Variants in BCL7A observed in about 807,000 individuals in gnomAD.
BCL7A encodes BAF chromatin remodeling complex subunit BCL7A, also known as B-cell CLL/lymphoma 7 protein family member A.
In BCL7A, 11 loss-of-function variants were observed where a neutral mutation model predicts 28.4. The ratio of observed to expected loss-of-function variants is 0.39; its 90% confidence interval spans 0.24 to 0.64. BCL7A has a LOEUF of 0.64. BCL7A is among the 30% of genes least tolerant of loss of function. The probability of loss-of-function intolerance (pLI) is 0.50; values close to 1 mark genes in which losing one functional copy is unlikely to be tolerated. For missense variants in BCL7A, 222 were observed against 274.8 expected (o/e 0.81, Z 1.36); for synonymous variants, 123 against 103.3 (o/e 1.19, Z -1.15).
Position 122,054,833 on chromosome 12 carries a change from C to T in BCL7A, c.468C>T (p.Ser156=). 2.5e-6 allele frequency: 4 copies of T among 1,614,184 alleles called. No individual in the cohort carries two copies. The highest frequency in any genetic ancestry group is 3.4e-6 in the Non-Finnish European group (4 of 1,180,030). Residue 156 remains serine (S), a synonymous_variant, in exon 5 of 6, where the codon TCC becomes TCT. Coordinates refer to ENST00000261822, the MANE Select transcript of BCL7A (RefSeq NM_001024808.3). ...EDASDEQNSQ[S]SMEHSMNSSE... ...CTTCTGATGAGCAGAATTCACAGTCCTCGATGGAACATTCGATGAACAGCT... is the reference window on the plus strand; with the variant it reads ...CTTCTGATGAGCAGAATTCACAGTCTTCGATGGAACATTCGATGAACAGCT...
At chr12:122,036,865 G>A (rs1883867090) in intron 3 of BCL7A, among the ~76,000 whole-genome samples, 1 of 152,062 alleles carries the variant, frequency 6.6e-6, no homozygotes, top group Admixed American at 6.6e-5. Flanking sequence ...GTGCTACCAT[G>A]CCTGGCTAAT....
intron 3 of BCL7A, among the ~76,000 whole-genome samples, chr12:122,040,217 G>T (rs1177110149): frequency 1.3e-5 from 2 of 152,156 alleles, no homozygotes; most frequent in East Asian, 1.9e-4. Context: ...GGCATTTGAG[G>T]TTGGTTCTTT....
chr12:122,043,948 A>C lies in BCL7A; in HGVS notation c.334A>C (p.Asn112His). 1 of 1,614,028 alleles carries C rather than the reference A, an allele frequency of 6.2e-7. No individual in the cohort carries two copies. Among genetic ancestry groups the C allele is most frequent in the Non-Finnish European group, 8.5e-7 (1 of 1,180,028 alleles). ...CCCCATCAAACAGGAGAACAGCAGC[A>C]ACTCCAGCCCCGCTCCAGAGCCCAA... is the stretch of plus-strand genomic sequence containing the variant. ...ASPIKQENSS[N>H]SSPAPEPNSA... Residue 112 changes from asparagine (N) to histidine (H), a missense_variant, in exon 4 of 6, where the codon AAC becomes CAC. Physicochemically the swap from Asn to His is moderately conservative, Grantham distance 68. This residue lies in a region of BCL7A where 155 missense variants were observed against 145.7 expected (regional missense o/e 1.06). Transcript: ENST00000261822.
chr12:122,061,231 AAC>A lies in BCL7A; in HGVS notation c.*2076_*2077del, dbSNP rs143079361. 0.027 allele frequency: 6,227 copies of A among 230,382 alleles called. 356 individuals are homozygous for A. The highest frequency in any genetic ancestry group is 0.13 in the African/African-American group (5,715 of 45,164). 14.3% of individuals were successfully genotyped at this position (230,382 alleles called of 1,614,324 possible). A position where few individuals can be genotyped will look rare whatever the true frequency, so the allele number is the denominator to read the frequency against. ...AACCAAGACAGCTGAAGGAGAATGA[AAC>A]ACACACATCCACAGAAACAGAGAGG... On this transcript the variant is annotated 3_prime_UTR_variant, in exon 6 of 6. Coordinates refer to ENST00000261822, the MANE Select transcript of BCL7A (RefSeq NM_001024808.3).
intron 4 of BCL7A, among the ~76,000 whole-genome samples, chr12:122,050,301 G>GGGT (rs1884164818): frequency 8.1e-6 from 1 of 123,444 alleles, no homozygotes; most frequent in African/African-American, 2.7e-5. Context: ...TTTATTGTGG[G>GGGT]GGGGGGGCCA....
chr12:122,043,765 T>A, intron 3 of BCL7A, 121 bp from the exon 4 acceptor site: 42 of 922,916 alleles, frequency 4.6e-5, no homozygotes, highest in Non-Finnish European at 5.7e-5. Flanking sequence ...ACCAGACCCC[T>A]CCCCGGGAGA....
intron 4 of BCL7A, chr12:122,044,413 C>T (rs190784853): frequency 1.3e-3 from 259 of 197,616 alleles, no homozygotes; most frequent in Admixed American, 2.3e-3. Context: ...AGGCCGAGGT[C>T]GGAGGATCAC....
intron 4 of BCL7A, among the ~76,000 whole-genome samples, chr12:122,052,972 G>GAGCCACCGTGCCT (rs1218805141): frequency 2.0e-5 from 3 of 149,000 alleles, no homozygotes; most frequent in Non-Finnish European, 4.4e-5. Context: ...TTACAGGCGT[G>GAGCCACCGTGCCT]AGCCACCGTG....
chr12:122,057,966 G>A (rs1951889621), intron 5 of BCL7A, among the ~76,000 whole-genome samples: 1 of 151,802 alleles, frequency 6.6e-6, no homozygotes, highest in African/African-American at 2.4e-5. Flanking sequence ...GAGGCAGGAG[G>A]ATCCCTTGAG....
chr12:122,038,369 C>T (rs1174730791), intron 3 of BCL7A, among the ~76,000 whole-genome samples: 2 of 136,868 alleles, frequency 1.5e-5, no homozygotes. Flanking sequence ...GAGGCGGAGG[C>T]TGCAGTGAGC....
At chr12:122,022,797 T>G (rs2135833641) in intron 1 of BCL7A, among the ~76,000 whole-genome samples, 1 of 151,626 alleles carries the variant, frequency 6.6e-6, no homozygotes, top group East Asian at 2.0e-4. Context: ...TTGGGCTGCC[T>G]GGAGCGAGGG....
intron 3 of BCL7A, among the ~76,000 whole-genome samples, chr12:122,043,082 G>A (rs958419009): frequency 6.0e-5 from 9 of 150,336 alleles, no homozygotes; most frequent in Admixed American, 5.3e-4. Context: ...GCCACCTCCC[G>A]CTGTCTCTCT....
At chr12:122,045,846 T>C (rs1884065137) in intron 4 of BCL7A, among the ~76,000 whole-genome samples, 1 of 151,758 alleles carries the variant, frequency 6.6e-6, no homozygotes, top group South Asian at 2.1e-4. Flanking sequence ...CTCAGCACTT[T>C]GGGAGGCTGA....
At chr12:122,041,593 A>G (rs1229641659) in intron 3 of BCL7A, among the ~76,000 whole-genome samples, 1 of 130,500 alleles carries the variant, frequency 7.7e-6, no homozygotes, top group Non-Finnish European at 1.8e-5. Flanking sequence ...GTGAGACCCC[A>G]TCTCTACAAA....
At chr12:122,025,334 G>C (rs1883598267) in intron 1 of BCL7A, among the ~76,000 whole-genome samples, 1 of 151,048 alleles carries the variant, frequency 6.6e-6, no homozygotes, top group Middle Eastern at 3.4e-3. Flanking sequence ...AAAAGAAAAA[G>C]AAAAAAAAGA....
At chr12:122,044,346 CAAAA>C in intron 4 of BCL7A, 5 of 218,422 alleles carry the variant, frequency 2.3e-5, no homozygotes, top group East Asian at 1.1e-4. Context: ...TCATCTCTAC[CAAAA>C]AAAAAAAAAT....
rs543410567 is a variant in BCL7A at position 122,059,905 on chromosome 12, G to A, written c.*742G>A. ...CTCGCTGTGCTCTCCCCTCCTTGGGGCGTTTAGGACTGGGCGTCTCCAAGC... is the reference window on the plus strand; with the variant it reads ...CTCGCTGTGCTCTCCCCTCCTTGGGACGTTTAGGACTGGGCGTCTCCAAGC... On this transcript the variant is annotated 3_prime_UTR_variant, in exon 6 of 6. Coordinates refer to ENST00000261822, the MANE Select transcript of BCL7A (RefSeq NM_001024808.3). This position sits in a 1 kb window ranked among gnomAD's most constrained non-coding sequence, Gnocchi z 4.0. The A allele has an allele frequency of 1.3e-5, 3 of 232,638 alleles. No homozygotes were observed. In the Admixed American group the frequency reaches 1.7e-4, roughly 13 times the overall value. 14.4% of individuals were successfully genotyped at this position (232,638 alleles called of 1,614,324 possible).
chr12:122,055,510 G>A (rs1307738272), intron 5 of BCL7A, among the ~76,000 whole-genome samples: 2 of 152,180 alleles, frequency 1.3e-5, no homozygotes, highest in Non-Finnish European at 2.9e-5. Context: ...TAGGGCCACC[G>A]TGAGGATTCG....
chr12:122,028,631 GC>G (rs1364173467), intron 1 of BCL7A, among the ~76,000 whole-genome samples: 1 of 152,084 alleles, frequency 6.6e-6, no homozygotes, highest in Non-Finnish European at 1.5e-5. Flanking sequence ...TGGGGTCCGA[GC>G]CCAAATCTAA....
Sources: allele counts gnomAD v4.1 joint callset (sites outside exome capture counted in the v4.1 genomes callset), GRCh38; gene constraint gnomAD v4.1.1; regional missense constraint gnomAD v4.1.1; non-coding constraint Gnocchi (gnomAD v3.1); transcripts MANE v1.5; gene names NCBI Gene and HGNC (gene_info 2026-07-23, HGNC 2026-07-21).